TTC28: variants seen among roughly 807,000 people sequenced by gnomAD.
The protein encoded by TTC28 is tetratricopeptide repeat protein 28.
Under a neutral mutation model 198.0 loss-of-function variants are expected in TTC28, and 61 were observed. The ratio of observed to expected loss-of-function variants is 0.31; its 90% CI spans 0.25 to 0.38. TTC28 has a LOEUF of 0.38. Ranked by LOEUF, TTC28 falls within the 10% of genes least tolerant of loss-of-function variation. The pLI, the probability that TTC28 is intolerant of heterozygous loss-of-function variation, is 1.00. For synonymous variants in TTC28, 1,171 were observed against 1,297.8 expected (o/e 0.90, Z 2.10); for missense variants, 2,678 against 3,164.0 (o/e 0.85, Z 3.69).
intron 2 of TTC28, among the ~76,000 whole-genome samples, chr22:28,532,495 C>T (rs2049162137): frequency 1.3e-5 from 2 of 152,182 alleles, no homozygotes; most frequent in Non-Finnish European, 2.9e-5. Context: ...GGAGCTGGTA[C>T]CATTCCTTCT....
chr22:28,569,070 C>G (rs979435277), intron 2 of TTC28, among the ~76,000 whole-genome samples: 1 of 151,814 alleles, frequency 6.6e-6, no homozygotes, highest in Admixed American at 6.6e-5. Flanking sequence ...TCACTTGAAC[C>G]AGGAGGCAGA....
intron 5 of TTC28, among the ~76,000 whole-genome samples, chr22:28,256,421 CA>C (rs60958364): frequency 0.091 from 5,947 of 65,290 alleles, 210 homozygotes; most frequent in African/African-American, 0.22. Context: ...AACTCCGTCT[CA>C]AAAAAAAAAA....
intron 12 of TTC28, among the ~76,000 whole-genome samples, chr22:28,091,300 C>A (rs1485839721): frequency 6.6e-6 from 1 of 152,220 alleles, no homozygotes; most frequent in Admixed American, 6.5e-5. Context: ...GGGTAATCCT[C>A]TTCTTTCTCC....
chr22:28,524,628 A>G (rs2048974333), intron 2 of TTC28, among the ~76,000 whole-genome samples: 1 of 152,132 alleles, frequency 6.6e-6, no homozygotes, highest in African/African-American at 2.4e-5. Context: ...ATACAAAAAA[A>G]GTATTTAAAA....
chr22:28,115,650 C>T (rs926241950), intron 6 of TTC28, among the ~76,000 whole-genome samples: 17 of 152,240 alleles, frequency 1.1e-4, no homozygotes, highest in African/African-American at 3.9e-4. Flanking sequence ...AGAACTCTTG[C>T]GCCATCGCAC....
chr22:28,538,705 G>A (rs1351971261), intron 2 of TTC28, among the ~76,000 whole-genome samples: 3 of 151,646 alleles, frequency 2.0e-5, no homozygotes, highest in Non-Finnish European at 2.9e-5. Context: ...GATTACAGGC[G>A]TGCGCCACCA....
At chr22:28,085,166 G>C (rs531896730) in intron 12 of TTC28, among the ~76,000 whole-genome samples, 2 of 152,004 alleles carry the variant, frequency 1.3e-5, no homozygotes, top group South Asian at 2.1e-4. Flanking sequence ...GAGAATGCCA[G>C]AAAGATACTC....
chr22:28,370,341 A>G (rs969446325), intron 2 of TTC28, among the ~76,000 whole-genome samples: 1 of 152,308 alleles, frequency 6.6e-6, no homozygotes, highest in East Asian at 1.9e-4. Flanking sequence ...AGCTAGTCCC[A>G]GATATCTTAC....
chr22:28,633,280 C>CA (rs371317485), intron 1 of TTC28, among the ~76,000 whole-genome samples: 19,121 of 110,532 alleles, frequency 0.17, 1,514 homozygotes, highest in African/African-American at 0.25. Context: ...GACTCTGTCT[C>CA]AAAAAAAAAA....
At chr22:28,487,488 G>A (rs1345177819) in intron 2 of TTC28, among the ~76,000 whole-genome samples, 3 of 151,846 alleles carry the variant, frequency 2.0e-5, no homozygotes, top group Non-Finnish European at 2.9e-5. Flanking sequence ...GTTAATGCTC[G>A]TTGACTAGAT....
At chr22:28,233,838 G>A (rs1029386547) in intron 5 of TTC28, among the ~76,000 whole-genome samples, 1 of 151,926 alleles carries the variant, frequency 6.6e-6, no homozygotes, top group Non-Finnish European at 1.5e-5. Context: ...TCTGCCTCCT[G>A]GGTTCAAGCG....
At chr22:28,256,119 TAA>T (rs561946014) in intron 5 of TTC28, among the ~76,000 whole-genome samples, 6 of 144,610 alleles carry the variant, frequency 4.1e-5, no homozygotes, top group African/African-American at 7.6e-5. Context: ...TGAGGCCTTT[TAA>T]AAAAAAAAAA....
At chr22:28,055,606 A>C (rs1462675261) in intron 12 of TTC28, among the ~76,000 whole-genome samples, 1 of 152,116 alleles carries the variant, frequency 6.6e-6, no homozygotes, top group Non-Finnish European at 1.5e-5. Context: ...GCTCACAACA[A>C]CTCTATGAGG....
intron 2 of TTC28, among the ~76,000 whole-genome samples, chr22:28,576,829 C>A (rs1232960516): frequency 6.6e-6 from 1 of 151,872 alleles, no homozygotes; most frequent in Non-Finnish European, 1.5e-5. Context: ...GATGTAATGT[C>A]TCCTTTTTCA....
intron 2 of TTC28, among the ~76,000 whole-genome samples, chr22:28,418,043 C>T (rs148433973): frequency 4.3e-4 from 65 of 152,280 alleles, no homozygotes; most frequent in African/African-American, 1.4e-3. Flanking sequence ...CAAGTATAAC[C>T]TACAATGGAG....
chr22:28,609,696 T>C (rs1433253985), intron 2 of TTC28, among the ~76,000 whole-genome samples: 2 of 152,074 alleles, frequency 1.3e-5, no homozygotes, highest in African/African-American at 2.4e-5. Context: ...TGTTTTTTTT[T>C]TTCCATATCC....
chr22:28,076,950 A>C (rs895122826), intron 12 of TTC28, among the ~76,000 whole-genome samples: 6 of 152,074 alleles, frequency 3.9e-5, no homozygotes, highest in Admixed American at 3.9e-4. Context: ...TATTGCATCT[A>C]TCTGTATTCT....
intron 5 of TTC28, among the ~76,000 whole-genome samples, chr22:28,284,044 C>T (rs1158812660): frequency 6.6e-6 from 1 of 152,126 alleles, no homozygotes; most frequent in African/African-American, 2.4e-5. Flanking sequence ...TACTACCACC[C>T]TCAATATTCT....
chr22:28,249,001 C>A (rs1930322155), intron 5 of TTC28, among the ~76,000 whole-genome samples: 1 of 152,084 alleles, frequency 6.6e-6, no homozygotes, highest in African/African-American at 2.4e-5. Flanking sequence ...AGCATTAATT[C>A]CTTAATCCTC....
Sources: gnomAD v4.1 joint callset for allele counts (sites outside exome capture counted in the v4.1 genomes callset) on GRCh38, gnomAD v4.1.1 for gene constraint, MANE v1.5 for transcripts, NCBI Gene and HGNC (gene_info 2026-07-23, HGNC 2026-07-21) for gene names.